NEK8: variants seen among roughly 807,000 people sequenced by gnomAD.
NEK8 encodes serine/threonine-protein kinase Nek8.
In NEK8, 51 loss-of-function variants were observed where a neutral mutation model predicts 77.2. That is an observed-to-expected ratio of 0.66 (90% CI 0.53 to 0.83). NEK8 has a LOEUF of 0.83. Ranked by LOEUF, NEK8 falls within the 40% of genes least tolerant of loss-of-function variation. The pLI is 0.00. For synonymous variants in NEK8, 365 were observed against 363.2 expected, an observed-to-expected ratio of 1.00 and a Z score of -0.06; for missense variants, 787 against 909.2, an observed-to-expected ratio of 0.87 and a Z score of 1.73.
Position 28,728,825 on chromosome 17 carries a change from C to T in NEK8, c.12C>T (p.Tyr4=), listed in dbSNP as rs753072254. Residue 4 remains tyrosine (Y), a synonymous_variant, in exon 1 of 15, where the codon TAC becomes TAT. Coordinates refer to ENST00000268766, the MANE Select transcript of NEK8 (RefSeq NM_178170.3). ...CTCTAAGAAATGAGATGGAGAAGTA[C>T]GAGCGGATCCGAGTGGTGGGGAGAG... is the stretch of plus-strand genomic sequence containing the variant. MEK[Y]ERIRVVGRGA... is the part of the protein sequence containing the mutation. 26 of 1,551,424 alleles carry T rather than the reference C, an allele frequency of 1.7e-5. No individual in the cohort carries two copies. The highest frequency in any genetic ancestry group is 2.2e-5 in the Non-Finnish European group (25 of 1,146,844).
In NEK8 at chr17:28,740,632, T is replaced by G; in HGVS notation, c.1568+19T>G. 1 of 1,613,910 alleles carries G rather than the reference T, an allele frequency of 6.2e-7. No individual in the cohort carries two copies. The highest frequency in any genetic ancestry group is 8.5e-7 in the Non-Finnish European group (1 of 1,179,860). ...GCAACAGGTGAATAGATCATCAGGATGACTAACCTGCCCCTGGCTCTCCTT... is the reference window on the plus strand; with the variant it reads ...GCAACAGGTGAATAGATCATCAGGAGGACTAACCTGCCCCTGGCTCTCCTT... On this transcript the variant is annotated intron_variant, in intron 11 of 14. Coordinates refer to ENST00000268766, the MANE Select transcript of NEK8 (RefSeq NM_178170.3). This position sits in a 1 kb window ranked among gnomAD's most constrained non-coding sequence, Gnocchi z 4.7.
At chr17:28,734,612 AG>A (rs1597805348) in intron 2 of NEK8, 159 bp from the exon 3 acceptor site, 3 of 623,086 alleles carry the variant, frequency 4.8e-6, no homozygotes, top group Admixed American at 2.6e-5. Flanking sequence ...TGAACCCGGG[AG>A]GGGGGGCTTG....
rs765512767 is a variant in NEK8 at position 28,734,519 on chromosome 17, CA to C, written c.254-238del. The C allele has an allele frequency of 0.25, 112,970 of 445,594 alleles. 96 individuals carry two copies. The highest frequency in any genetic ancestry group is 0.33 in the South Asian group (12,115 of 36,950). 27.6% of individuals were successfully genotyped at this position (445,594 alleles called of 1,614,324 possible). On this transcript the variant is annotated intron_variant, in intron 2 of 14. Coordinates refer to ENST00000268766, the MANE Select transcript of NEK8 (RefSeq NM_178170.3). ...GGAAACCCCGTCTCTACTAAAAATACAAAAAAAAAAAAAAATTAGCCGGGTG... is the reference window on the plus strand; with the variant it reads ...GGAAACCCCGTCTCTACTAAAAATACAAAAAAAAAAAAAATTAGCCGGGTG...
Position 28,741,680 on chromosome 17 carries a change from CA to C in NEK8, c.2050+110del. 1 of 1,352,620 alleles carries C rather than the reference CA, an allele frequency of 7.4e-7. No homozygotes were observed. 83.8% of individuals were successfully genotyped at this position (1,352,620 alleles called of 1,614,324 possible). ...CATCACCAAAAGCATCTTTAGCCCC[CA>C]GATAAAAAAAGCAGAAGCTGCGGTT... On this transcript the variant is annotated intron_variant, in intron 14 of 14. Transcript: ENST00000268766. This position sits in a 1 kb window ranked among gnomAD's most constrained non-coding sequence, Gnocchi z 4.5.
intron 4 of NEK8, among the ~76,000 whole-genome samples, chr17:28,736,412 T>A (rs2034366053): frequency 3.9e-5 from 6 of 152,224 alleles, no homozygotes; most frequent in Admixed American, 3.9e-4. Context: ...GTGTTCCTAT[T>A]TCTCCACATC....
intron 4 of NEK8, among the ~76,000 whole-genome samples, chr17:28,736,041 C>A (rs1449858981): frequency 6.7e-6 from 1 of 150,080 alleles, no homozygotes; most frequent in Non-Finnish European, 1.5e-5. Flanking sequence ...GTTTTTTGTC[C>A]TTGCGATAGT....
At position 28,741,475 on chromosome 17, in the gene NEK8, G is replaced by C. The variant is rs1237977553; in HGVS notation, c.1954G>C (p.Ala652Pro). 3.7e-6 allele frequency: 6 copies of C among 1,614,058 alleles called. No individual in the cohort carries two copies. The highest frequency in any genetic ancestry group is 4.2e-6 in the Non-Finnish European group (5 of 1,180,040). ...TCGATTGGGAAGGAGGGATGAGGAT[G>C]CCGGACTCCCTCGGCCAGTGCAGTT... ...RGRLGRRDED[A>P]GLPRPVQLDE... is the part of the protein sequence containing the mutation. The change falls in exon 14 of 15, where the codon GCC (alanine) becomes CCC (proline). Residue 652 changes from alanine (A) to proline (P), a missense_variant. Ala to Pro is a conservative substitution (Grantham distance 27). This residue lies in a region of NEK8 where 516 missense variants were observed against 544.0 expected (regional missense o/e 0.95). Transcript: ENST00000268766. The surrounding 1 kb of genome is among the most constrained non-coding windows in gnomAD (Gnocchi z 4.5).
At chr17:28,731,781 T>C (rs978812360) in intron 1 of NEK8, among the ~76,000 whole-genome samples, 4 of 150,530 alleles carry the variant, frequency 2.7e-5, no homozygotes, top group Admixed American at 2.0e-4. Flanking sequence ...TTTTTTTGTA[T>C]TTTTTAGTAG....
At chr17:28,735,981 G>GTGTTC (rs1023789446) in intron 4 of NEK8, among the ~76,000 whole-genome samples, 1 of 136,418 alleles carries the variant, frequency 7.3e-6, no homozygotes, top group African/African-American at 2.8e-5. Context: ...CTGTGTCCAT[G>GTGTTC]TGTTCTCATT....
rs555055071 is a variant in NEK8, at chr17:28,740,062, G to A, written c.1418-401G>A. ...GCACTTTGGGAGGCCGAGGCAGGTG[G>A]ATCACAAGGTCAGGAGTTCAAGACC... On this transcript the variant is annotated intron_variant, in intron 10 of 14. Transcript: ENST00000268766. This position sits in a 1 kb window ranked among gnomAD's most constrained non-coding sequence, Gnocchi z 4.7. Among the ~76,000 whole-genome samples the A allele has an allele frequency of 3.9e-5, 6 of 152,062 alleles. No homozygotes were observed. In the South Asian group the frequency reaches 1.2e-3, roughly 32 times the overall value.
chr17:28,735,672 A>G (rs1008727562), intron 4 of NEK8, among the ~76,000 whole-genome samples: 3 of 152,074 alleles, frequency 2.0e-5, no homozygotes, highest in South Asian at 2.1e-4. Flanking sequence ...CAGCTCCCCT[A>G]TCAGACTAGG....
rs757098308 is a variant in NEK8 at position 28,734,061 on chromosome 17, G to A, written c.126G>A (p.Lys42=). The part of the protein sequence containing the change: ...IKQIPVEQMT[K]EERQAAQNEC... Reference sequence around the variant, plus strand: ...AGATTCCAGTGGAACAGATGACCAAGGAAGAGCGGCAGGCAGCCCAGAATG... The same window carrying A: ...AGATTCCAGTGGAACAGATGACCAAAGAAGAGCGGCAGGCAGCCCAGAATG... The change falls in exon 2 of 15, where the codon AAG becomes AAA. Residue 42 remains lysine (K), a synonymous_variant. Transcript: ENST00000268766. The A allele has an allele frequency of 2.5e-6, 4 of 1,614,258 alleles. No homozygotes were observed. The highest frequency in any genetic ancestry group is 2.5e-6 in the Non-Finnish European group (3 of 1,180,046).
chr17:28,729,926 A>C (rs1025566063), intron 1 of NEK8, among the ~76,000 whole-genome samples: 1 of 152,208 alleles, frequency 6.6e-6, no homozygotes, highest in African/African-American at 2.4e-5. Context: ...AGGCAAAGGA[A>C]ATAGCGTATG....
rs563448269 is a variant in NEK8, at chr17:28,741,984, C to G, written c.2076C>G (p.Pro692=). The change falls in exon 15 of 15, where the codon CCC becomes CCG. Residue 692 remains proline (P), a synonymous_variant. Coordinates refer to ENST00000268766, the MANE Select transcript of NEK8 (RefSeq NM_178170.3). This position sits in a 1 kb window ranked among gnomAD's most constrained non-coding sequence, Gnocchi z 4.5. ...CGGTCACAGATGAGCCGGTCCCCCC[C>G]TGAGGCACCCGGATTCACCTCTGGA... is the stretch of plus-strand genomic sequence containing the variant. ...VRSVTDEPVP[P] 2.5e-6 allele frequency: 4 copies of G among 1,614,092 alleles called. No individual in the cohort carries two copies. The highest frequency in any genetic ancestry group is 1.3e-5 in the African/African-American group (1 of 75,042).
At position 28,733,993 on chromosome 17, in the gene NEK8, C is replaced by G; in HGVS notation, c.58C>G (p.Leu20Val). The change falls in exon 2 of 15, where the codon CTG (leucine) becomes GTG (valine). Residue 20 changes from leucine (L) to valine (V), a missense_variant. By Grantham distance (32) the Leu-to-Val change is conservative. Coordinates refer to ENST00000268766, the MANE Select transcript of NEK8 (RefSeq NM_178170.3). ...CCTCCGTATCCCTAGGATTGTGCAC[C>G]TGTGCCTGCGAAAGGCTGACCAGAA... ...VGRGAFGIVH[L>V]CLRKADQKLV... is the part of the protein sequence containing the mutation. 6.2e-7 allele frequency: 1 copy of G among 1,614,162 alleles called. No homozygotes were observed. Among genetic ancestry groups the G allele is most frequent in the Non-Finnish European group, 8.5e-7 (1 of 1,180,004 alleles).
chr17:28,734,305 GTCCCAATTATCTGACCCCGGCTAGCCCC>G (rs1204554737), intron 2 of NEK8, 117 bp downstream of exon 2: 1 of 930,650 alleles, frequency 1.1e-6, no homozygotes, highest in Admixed American at 1.8e-5. Context: ...TAGAGTTCTG[GTCCCAATTATCTGACCCCGGCTAGCCCC>G]TTGTCCTCTC....
Position 28,741,616 on chromosome 17 carries a change from C to A in NEK8, c.2050+45C>A. ...ACTTCACCACACAGCCCAGCTGGCC[C>A]CTGTCCACACTCCCATCCCCAGTGT... On this transcript the variant is annotated intron_variant, in intron 14 of 14. Transcript: ENST00000268766. This position sits in a 1 kb window ranked among gnomAD's most constrained non-coding sequence, Gnocchi z 4.5. The A allele has an allele frequency of 6.3e-7, 1 of 1,593,434 alleles. No homozygotes were observed.
chr17:28,737,401 A>C lies in NEK8; in HGVS notation c.714A>C (p.Leu238=). The change falls in exon 5 of 15, where the codon CTA becomes CTC. Residue 238 remains leucine, a synonymous_variant. Transcript: ENST00000268766. This position sits in a 1 kb window ranked among gnomAD's most constrained non-coding sequence, Gnocchi z 4.8. ...AGCTTCGCCAGCTGGTCCTGAGTCT[A>C]CTCAGCCTGGAGCCTGCCCAGCGGC... The part of the protein sequence containing the change: ...SPELRQLVLS[L]LSLEPAQRPP... 6.2e-7 allele frequency: 1 copy of C among 1,613,552 alleles called. No individual in the cohort carries two copies. The highest frequency in any genetic ancestry group is 8.5e-7 in the Non-Finnish European group (1 of 1,179,994).
In NEK8 at chr17:28,739,081, T is replaced by C; in HGVS notation, c.1300-3T>C. ...GTTTCTCCTTGCTTCCTCTCCTCTC[T>C]AGCCCACCATTGTGGAGGCTTTGCT... On this transcript the variant is annotated splice_region_variant and splice_polypyrimidine_tract_variant and intron_variant, in intron 9 of 14. Transcript: ENST00000268766. The C allele has an allele frequency of 8.7e-6, 14 of 1,611,336 alleles. No individual in the cohort carries two copies. The highest frequency in any genetic ancestry group is 1.2e-5 in the Non-Finnish European group (14 of 1,177,430).
Sources: allele counts gnomAD v4.1 joint callset (sites outside exome capture counted in the v4.1 genomes callset), GRCh38; gene constraint gnomAD v4.1.1; regional missense constraint gnomAD v4.1.1; non-coding constraint Gnocchi (gnomAD v3.1); transcripts MANE v1.5; gene names NCBI Gene and HGNC (gene_info 2026-07-23, HGNC 2026-07-21).